The following LMNTD1 variants were observed in gnomAD, a reference collection of about 807,000 sequenced individuals.
LMNTD1 encodes the protein lamin tail domain containing 1, also known as lamin tail domain-containing protein 1.
In LMNTD1, 35 loss-of-function variants were observed where a neutral mutation model predicts 50.9. That is an observed-to-expected ratio of 0.69 (90% CI 0.53 to 0.91). The LOEUF (loss-of-function observed/expected upper bound fraction) is 0.91, where lower values mean the gene tolerates loss of function less well. Ranked by LOEUF, LMNTD1 falls within the 40% of genes least tolerant of loss-of-function variation. The probability of loss-of-function intolerance (pLI) is 0.00; values close to 1 mark genes in which losing one functional copy is unlikely to be tolerated. For synonymous variants in LMNTD1, 153 were observed against 161.9 expected, an observed-to-expected ratio of 0.94 and a Z score of 0.42; for missense variants, 470 against 475.5, an observed-to-expected ratio of 0.99 and a Z score of 0.11.
At chr12:25,583,529 C>T (rs1945397580) in intron 1 of LMNTD1, among the ~76,000 whole-genome samples, 1 of 152,166 alleles carries the variant, frequency 6.6e-6, no homozygotes, top group South Asian at 2.1e-4. Flanking sequence ...CCCCTTGCTC[C>T]TATTTGAGAT....
At chr12:25,599,997 CA>C (rs1372695538) in intron 1 of LMNTD1, among the ~76,000 whole-genome samples, 5 of 151,780 alleles carry the variant, frequency 3.3e-5, no homozygotes, top group Non-Finnish European at 7.4e-5. Context: ...CAAAATTATG[CA>C]AAGTAAAAAG....
intron 1 of LMNTD1, among the ~76,000 whole-genome samples, chr12:25,570,551 A>C (rs574722979): frequency 6.6e-6 from 1 of 152,332 alleles, no homozygotes; most frequent in East Asian, 1.9e-4. Context: ...CAGGGATGAA[A>C]GTACAAGCAG....
At chr12:25,483,231 C>T (rs189802511) in intron 9 of LMNTD1, among the ~76,000 whole-genome samples, 4 of 151,490 alleles carry the variant, frequency 2.6e-5, no homozygotes, top group East Asian at 3.9e-4. Context: ...TGGAGACCAG[C>T]CTTGGCAACA....
intron 1 of LMNTD1, among the ~76,000 whole-genome samples, chr12:25,570,629 A>G (rs1010251987): frequency 6.6e-6 from 1 of 152,200 alleles, no homozygotes; most frequent in Non-Finnish European, 1.5e-5. Context: ...AAGTAGAGCC[A>G]GAGAGACAGG....
chr12:25,525,404 A>G (rs937887752), intron 6 of LMNTD1, among the ~76,000 whole-genome samples: 5 of 152,182 alleles, frequency 3.3e-5, no homozygotes, highest in Admixed American at 3.3e-4. Flanking sequence ...AGTACTTAGC[A>G]TAGCTGTAAA....
At chr12:25,613,332 G>A (rs1482859331) in intron 1 of LMNTD1, among the ~76,000 whole-genome samples, 1 of 152,186 alleles carries the variant, frequency 6.6e-6, no homozygotes, top group East Asian at 1.9e-4. Context: ...GATAAGCTTA[G>A]GAACCAAAAG....
intron 1 of LMNTD1, among the ~76,000 whole-genome samples, chr12:25,648,254 T>C (rs1186300222): frequency 6.6e-6 from 1 of 152,222 alleles, no homozygotes; most frequent in African/African-American, 2.4e-5. Flanking sequence ...ACACATACCA[T>C]TTCAACATTC....
chr12:25,608,289 T>C (rs1946162127), intron 1 of LMNTD1, among the ~76,000 whole-genome samples: 2 of 152,234 alleles, frequency 1.3e-5, no homozygotes, highest in African/African-American at 4.8e-5. Context: ...TTAATCCAAT[T>C]TGCCAGTCTG....
intron 1 of LMNTD1, among the ~76,000 whole-genome samples, chr12:25,594,649 T>TAAAAAAAAAA (rs1754233631): frequency 1.3e-4 from 2 of 15,398 alleles, no homozygotes; most frequent in East Asian, 2.7e-3. Flanking sequence ...AAAACAGAAA[T>TAAAAAAAAAA]ACAAAAAAAA....
intron 9 of LMNTD1, among the ~76,000 whole-genome samples, chr12:25,485,349 GTTGT>G (rs564772071): frequency 0.026 from 3,511 of 136,696 alleles, 32 homozygotes; most frequent in Middle Eastern, 0.06. Context: ...TTTTGATGGG[GTTGT>G]TTGTTTTTTT....
chr12:25,476,705 T>G (rs1938275945), intron 9 of LMNTD1, among the ~76,000 whole-genome samples: 1 of 152,184 alleles, frequency 6.6e-6, no homozygotes, highest in South Asian at 2.1e-4. Flanking sequence ...AGGATTTCTA[T>G]GATTTTCCCC....
intron 9 of LMNTD1, among the ~76,000 whole-genome samples, chr12:25,486,207 G>C (rs113879081): frequency 0.2 from 25,152 of 126,446 alleles, 2,829 homozygotes; most frequent in East Asian, 0.49. Context: ...AGTTCTCCTT[G>C]AAGAGGTCCT....
intron 1 of LMNTD1, among the ~76,000 whole-genome samples, chr12:25,612,071 C>CAAAGG (rs1946256892): frequency 6.6e-6 from 1 of 152,106 alleles, no homozygotes; most frequent in Non-Finnish European, 1.5e-5. Context: ...ATAATTGTAC[C>CAAAGG]TATTCAAAGG....
intron 1 of LMNTD1, among the ~76,000 whole-genome samples, chr12:25,575,747 G>C (rs1944985239): frequency 6.6e-6 from 1 of 151,758 alleles, no homozygotes; most frequent in Non-Finnish European, 1.5e-5. Flanking sequence ...GTGCAGGTTT[G>C]TTACATAGGT....
rs1941012293 is a variant in LMNTD1, at chr12:25,518,882, G to C, written c.1102C>G (p.Leu368Val). ...PYVSAHPYCP[L>V]IEPHNTSTAG... The stretch of plus-strand genomic sequence containing the variant: ...GTGGATGTATTGTGTGGTTCAATCA[G>C]AGGACAGTAAGGATGTGCAGAGACA... Residue 368 changes from leucine (L) to valine (V), a missense_variant, in exon 8 of 10, where the codon CTG (leucine) becomes GTG (valine). Coordinates refer to ENST00000458174, the MANE Select transcript of LMNTD1 (RefSeq NM_001145728.2). 1 of 1,614,096 alleles carries C rather than the reference G, an allele frequency of 6.2e-7. No homozygotes were observed. The highest frequency in any genetic ancestry group is 8.5e-7 in the Non-Finnish European group (1 of 1,180,008).
intron 1 of LMNTD1, among the ~76,000 whole-genome samples, chr12:25,604,256 A>T (rs539540055): frequency 2.0e-5 from 3 of 152,268 alleles, no homozygotes; most frequent in African/African-American, 7.2e-5. Flanking sequence ...CACATGGGAC[A>T]AAAGAAGTCC....
chr12:25,609,757 C>T (rs1047924830), intron 1 of LMNTD1, among the ~76,000 whole-genome samples: 5 of 152,152 alleles, frequency 3.3e-5, no homozygotes, highest in African/African-American at 9.7e-5. Context: ...TGTCAGTCAG[C>T]CCCTACTGGG....
intron 9 of LMNTD1, among the ~76,000 whole-genome samples, chr12:25,488,151 CT>C (rs1253723391): frequency 6.9e-6 from 1 of 144,990 alleles, no homozygotes; most frequent in Admixed American, 7.1e-5. Context: ...GTGGCATTCT[CT>C]GTATTTCCTG....
intron 1 of LMNTD1, among the ~76,000 whole-genome samples, chr12:25,621,383 C>T (rs1226767600): frequency 6.6e-6 from 1 of 152,030 alleles, no homozygotes; most frequent in African/African-American, 2.4e-5. Flanking sequence ...AGCCACTGCA[C>T]CCAGCCACGT....
Sources: allele counts gnomAD v4.1 joint callset (sites outside exome capture counted in the v4.1 genomes callset), GRCh38; gene constraint gnomAD v4.1.1; transcripts MANE v1.5; gene names NCBI Gene and HGNC (gene_info 2026-07-23, HGNC 2026-07-21).